FAM227B: variants seen among roughly 807,000 people sequenced by gnomAD.
FAM227B encodes the protein family with sequence similarity 227 member B.
A neutral mutation model predicts 73.8 loss-of-function variants in FAM227B; 88 were observed. That is an observed-to-expected ratio of 1.19 (90% CI 1.00 to 1.42). FAM227B has a LOEUF of 1.42. Among genes scored for constraint, FAM227B ranks in the 40% most tolerant of loss-of-function variants. The probability of loss-of-function intolerance (pLI) is 0.00; values close to 1 mark genes in which losing one functional copy is unlikely to be tolerated. For missense variants in FAM227B, 632 were observed against 590.9 expected, an observed-to-expected ratio of 1.07 and a Z score of -0.72; for synonymous variants, 210 against 190.5, an observed-to-expected ratio of 1.10 and a Z score of -0.84.
rs758303417 is a variant in FAM227B at position 49,328,595 on chromosome 15, G to C, written c.1500C>G (p.Asn500Lys). ...SSSSSPSSTD[N>K]YNFEEEEY Reference sequence around the variant, plus strand: ...AGTATTCTTCTTCCTCAAAGTTGTAGTTGTCTGTTGATGATGGTGATGATG... The same window carrying C: ...AGTATTCTTCTTCCTCAAAGTTGTACTTGTCTGTTGATGATGGTGATGATG... Residue 500 changes from asparagine (N) to lysine (K), a missense_variant, in exon 16 of 16, where the codon AAC (asparagine) becomes AAG (lysine). Physicochemically the swap from Asn to Lys is moderately conservative, Grantham distance 94. Transcript: ENST00000299338. 1.9e-6 allele frequency: 3 copies of C among 1,596,340 alleles called. No homozygotes were observed. Among genetic ancestry groups the C allele is most frequent in the Non-Finnish European group, 1.7e-6 (2 of 1,168,450 alleles).
At chr15:49,424,224 G>C in intron 11 of FAM227B, 1 of 1,336,670 alleles carries the variant, frequency 7.5e-7, no homozygotes, top group Non-Finnish European at 1.1e-6. Flanking sequence ...AGAGGTCAAT[G>C]ACCTAGGAGT....
intron 5 of FAM227B, among the ~76,000 whole-genome samples, chr15:49,581,921 C>G (rs372077600): frequency 6.6e-6 from 1 of 152,172 alleles, no homozygotes; most frequent in Non-Finnish European, 1.5e-5. Flanking sequence ...GGGGAACTGT[C>G]AGACCTGAAC....
intron 11 of FAM227B, among the ~76,000 whole-genome samples, chr15:49,409,307 T>C (rs907268949): frequency 6.6e-6 from 1 of 152,020 alleles, no homozygotes; most frequent in Non-Finnish European, 1.5e-5. Context: ...TTTATGAAAA[T>C]AAACCGTATG....
intron 11 of FAM227B, among the ~76,000 whole-genome samples, chr15:49,453,685 G>T (rs1025995570): frequency 6.6e-6 from 1 of 152,022 alleles, no homozygotes; most frequent in Non-Finnish European, 1.5e-5. Context: ...TATGACCCAC[G>T]TGCTGTTTAA....
At chr15:49,593,351 T>C (rs1259984895) in intron 3 of FAM227B, among the ~76,000 whole-genome samples, 2 of 152,204 alleles carry the variant, frequency 1.3e-5, no homozygotes, top group African/African-American at 2.4e-5. Context: ...CATCAATATT[T>C]TACAGTTTTC....
At chr15:49,470,448 T>C (rs1453932291) in intron 11 of FAM227B, among the ~76,000 whole-genome samples, 1 of 152,164 alleles carries the variant, frequency 6.6e-6, no homozygotes. Flanking sequence ...GATTTTCTTA[T>C]GCCAAATTTA....
At chr15:49,416,261 C>A (rs946848000) in intron 11 of FAM227B, among the ~76,000 whole-genome samples, 8 of 150,884 alleles carry the variant, frequency 5.3e-5, no homozygotes, top group Admixed American at 2.0e-4. Flanking sequence ...AAGGCCAGAA[C>A]AACATCTGGC....
chr15:49,432,412 TCTATA>T (rs2151793789), intron 11 of FAM227B, among the ~76,000 whole-genome samples: 1 of 151,810 alleles, frequency 6.6e-6, no homozygotes, highest in Non-Finnish European at 1.5e-5. Flanking sequence ...TTTCTCTGAG[TCTATA>T]CTATACTAAT....
At chr15:49,496,931 T>TCACACACACACA (rs147133019) in intron 11 of FAM227B, among the ~76,000 whole-genome samples, 24 of 142,056 alleles carry the variant, frequency 1.7e-4, no homozygotes, top group African/African-American at 5.6e-4. Flanking sequence ...ATACACAAAG[T>TCACACACACACA]CACACACACA....
chr15:49,338,791 A>C (rs1379089974), intron 13 of FAM227B, among the ~76,000 whole-genome samples: 5 of 152,084 alleles, frequency 3.3e-5, no homozygotes, highest in Non-Finnish European at 7.4e-5. Context: ...GTCTTTTCAC[A>C]TAGTCCCATA....
intron 13 of FAM227B, among the ~76,000 whole-genome samples, chr15:49,362,534 A>G (rs184140144): frequency 6.6e-6 from 1 of 152,286 alleles, no homozygotes; most frequent in African/African-American, 2.4e-5. Flanking sequence ...TCTTTGTCAC[A>G]TGCATAGTTT....
At chr15:49,430,518 G>A (rs2050512607) in intron 11 of FAM227B, among the ~76,000 whole-genome samples, 1 of 151,806 alleles carries the variant, frequency 6.6e-6, no homozygotes. Flanking sequence ...GCTTTGTGTT[G>A]ATATAAGAGA....
chr15:49,334,418 C>T (rs2039340575), intron 14 of FAM227B: 3 of 161,122 alleles, frequency 1.9e-5, no homozygotes, highest in Admixed American at 6.5e-5. Flanking sequence ...AATTCATTCC[C>T]TCCCTATGCA....
At chr15:49,519,717 CT>C (rs1271985718) in intron 10 of FAM227B, among the ~76,000 whole-genome samples, 2 of 152,162 alleles carry the variant, frequency 1.3e-5, no homozygotes, top group Non-Finnish European at 2.9e-5. Flanking sequence ...CTTTTTCTTC[CT>C]AGGCCTCAGC....
At chr15:49,400,521 A>G (rs2048056429) in intron 11 of FAM227B, among the ~76,000 whole-genome samples, 1 of 80,856 alleles carries the variant, frequency 1.2e-5, no homozygotes, top group Non-Finnish European at 2.5e-5. Flanking sequence ...ATATGGAACC[A>G]AAAAAGAGCC....
intron 9 of FAM227B, among the ~76,000 whole-genome samples, chr15:49,558,921 T>A (rs569392594): frequency 6.6e-6 from 1 of 151,738 alleles, no homozygotes; most frequent in East Asian, 1.9e-4. Flanking sequence ...GGCCCAAAGG[T>A]GGAGACCCCC....
intron 1 of FAM227B, among the ~76,000 whole-genome samples, chr15:49,618,447 A>C (rs1427388013): frequency 1.3e-5 from 2 of 152,246 alleles, no homozygotes; most frequent in Admixed American, 1.3e-4. Context: ...GAACAGATAA[A>C]TAATACATTA....
intron 11 of FAM227B, among the ~76,000 whole-genome samples, chr15:49,434,871 G>T (rs1238247650): frequency 6.6e-6 from 1 of 151,220 alleles, no homozygotes; most frequent in Non-Finnish European, 1.5e-5. Context: ...TAATAAAAAA[G>T]AGAACCAATT....
At chr15:49,610,624 T>G (rs1189410181) in intron 3 of FAM227B, among the ~76,000 whole-genome samples, 1 of 152,120 alleles carries the variant, frequency 6.6e-6, no homozygotes, top group Non-Finnish European at 1.5e-5. Flanking sequence ...ACCTTTTTTC[T>G]GTTTTCTATA....
Sources: allele counts gnomAD v4.1 joint callset (sites outside exome capture counted in the v4.1 genomes callset), GRCh38; gene constraint gnomAD v4.1.1; transcripts MANE v1.5; gene names NCBI Gene and HGNC (gene_info 2026-07-23, HGNC 2026-07-21).